Variants in POTEF observed in about 807,000 individuals in gnomAD.
The protein encoded by POTEF is ANKRD26-like family C member 1B.
In POTEF, 20 loss-of-function variants were observed where a neutral mutation model predicts 83.2. That is an observed-to-expected ratio of 0.24 (90% confidence interval 0.17 to 0.35). The LOEUF is 0.35. POTEF is among the 10% of genes least tolerant of loss of function. The pLI is 1.00. For synonymous variants in POTEF, 196 were observed against 446.4 expected (o/e 0.44, Z 7.07); for missense variants, 550 against 1,203.2 (o/e 0.46, Z 8.03).
chr2:130,128,336 G>A (rs1032343226), intron 1 of POTEF, among the ~76,000 whole-genome samples: 1 of 151,962 alleles, frequency 6.6e-6, no homozygotes, highest in Non-Finnish European at 1.5e-5. Flanking sequence ...GATTGCACCA[G>A]GAGGAACTCT....
intron 1 of POTEF, among the ~76,000 whole-genome samples, chr2:130,128,867 C>A (rs1685168230): frequency 8.0e-6 from 1 of 124,292 alleles, no homozygotes; most frequent in African/African-American, 3.4e-5. Context: ...CACAACCTGC[C>A]TCCCCCCCAT....
chr2:130,087,721 C>T (rs1309219045), intron 13 of POTEF, among the ~76,000 whole-genome samples: 1 of 59,892 alleles, frequency 1.7e-5, no homozygotes, highest in Non-Finnish European at 3.2e-5. Context: ...CAAGCTCCCT[C>T]TCCTGGGTTC....
At chr2:130,113,467 G>A (rs7571252) in intron 5 of POTEF, among the ~76,000 whole-genome samples, 4,347 of 141,056 alleles carry the variant, frequency 0.031, 100 homozygotes, top group African/African-American at 0.11. Context: ...TTACATTTAT[G>A]TATTGAGTGG....
chr2:130,087,550 C>A (rs1573595086), intron 13 of POTEF, among the ~76,000 whole-genome samples: 1 of 61,290 alleles, frequency 1.6e-5, no homozygotes, highest in Non-Finnish European at 2.9e-5. Flanking sequence ...AGTTAAATAT[C>A]AAATATTAAA....
At position 130,077,100 on chromosome 2, in the gene POTEF, A is replaced by G. The variant is rs1370646719; in HGVS notation, c.1880T>C (p.Val627Ala). The G allele has an allele frequency of 1.3e-6, 1 of 770,336 alleles. No homozygotes were observed. The highest frequency in any genetic ancestry group is 2.0e-6 in the Non-Finnish European group (1 of 503,422). 47.7% of individuals were successfully genotyped at this position (770,336 alleles called of 1,614,324 possible). ...LIHEEKQIEVVEKMNSELSLS... is the reference protein window; with the variant it reads ...LIHEEKQIEVAEKMNSELSLS... ...AAATACCTCAGAATTCATTTTTTCAACCACTTCTATCTGCTTTTCTTCATG... is the reference window on the plus strand; with the variant it reads ...AAATACCTCAGAATTCATTTTTTCAGCCACTTCTATCTGCTTTTCTTCATG... Residue 627 changes from valine (V) to alanine (A), a missense_variant, in exon 16 of 17, where the codon GTT (valine) becomes GCT (alanine). Coordinates refer to ENST00000409914, the MANE Select transcript of POTEF (RefSeq NM_001099771.2).
intron 11 of POTEF, among the ~76,000 whole-genome samples, chr2:130,094,675 AAGGG>A (rs1684198403): frequency 3.9e-5 from 1 of 25,778 alleles, no homozygotes; most frequent in African/African-American, 1.7e-4. Flanking sequence ...CGCCTTATGC[AAGGG>A]CCAGCTCCTT....
chr2:130,105,159 G>A lies in POTEF; in HGVS notation c.1126+2850C>T, dbSNP rs565706250. On this transcript the variant is annotated intron_variant, in intron 8 of 16. Transcript: ENST00000409914. ...ATCATATTGACGATACCTCTCTTCT[G>A]CCTCTGCTTTATATTCCCACTGCCA... Among the ~76,000 whole-genome samples, 114 of 142,790 alleles carry A rather than the reference G, an allele frequency of 8.0e-4. 2 individuals carry two copies. In the East Asian group the frequency reaches 0.022, roughly 27 times the overall value. The allele number at this position is 142,790 out of a possible 152,430, so 93.7% of individuals were successfully genotyped here. A position where few individuals can be genotyped will look rare whatever the true frequency, so the allele number is the denominator to read the frequency against.
intron 3 of POTEF, among the ~76,000 whole-genome samples, chr2:130,117,298 G>A (rs1368555262): frequency 1.6e-4 from 25 of 151,906 alleles, no homozygotes; most frequent in East Asian, 3.9e-4. Flanking sequence ...AAAAGTTCAC[G>A]GAAGATAGCC....
chr2:130,122,325 T>C (rs1172526455), intron 2 of POTEF, among the ~76,000 whole-genome samples: 1 of 149,760 alleles, frequency 6.7e-6, no homozygotes, highest in African/African-American at 2.5e-5. Flanking sequence ...AGGAGTGAAT[T>C]TACTGAGTCA....
chr2:130,104,206 T>G (rs1684451155), intron 8 of POTEF, among the ~76,000 whole-genome samples: 1 of 148,846 alleles, frequency 6.7e-6, no homozygotes, highest in Non-Finnish European at 1.5e-5. Flanking sequence ...GAAATTATAA[T>G]AAATCACTTA....
intron 3 of POTEF, among the ~76,000 whole-genome samples, chr2:130,115,642 T>C (rs1684827828): frequency 6.6e-6 from 1 of 152,130 alleles, no homozygotes; most frequent in Non-Finnish European, 1.5e-5. Flanking sequence ...ATCAATAAAA[T>C]AGGAATGAAA....
chr2:130,118,451 C>G (rs1684901262), intron 3 of POTEF, among the ~76,000 whole-genome samples: 1 of 151,760 alleles, frequency 6.6e-6, no homozygotes, highest in Non-Finnish European at 1.5e-5. Flanking sequence ...AACCCCAGCA[C>G]TTGGGGAGGC....
At chr2:130,121,054 T>TA (rs1306655451) in intron 2 of POTEF, among the ~76,000 whole-genome samples, 5 of 150,328 alleles carry the variant, frequency 3.3e-5, no homozygotes, top group Non-Finnish European at 7.4e-5. Context: ...GCCAAACCGT[T>TA]ATGCGCGTGC....
At position 130,129,190 on chromosome 2, in the gene POTEF, C is replaced by CG. The variant is rs1685177766; in HGVS notation, c.-369_-368insC. The CG allele has an allele frequency of 7.8e-6, 1 of 128,226 alleles. No homozygotes were observed. The highest frequency in any genetic ancestry group is 1.6e-5 in the Non-Finnish European group (1 of 60,958). The allele number at this position is 128,226 out of a possible 1,614,324, so 7.9% of individuals were successfully genotyped here. ...GCCTCCAGCATGCCGCTCCCTTCTA[C>CG]TCGTCTTCCTGCCTGGCAGGAGAAG... On this transcript the variant is annotated 5_prime_UTR_variant, in exon 1 of 17. Transcript: ENST00000409914.
intron 7 of POTEF, chr2:130,109,706 C>T (rs1476545000): frequency 1.3e-5 from 2 of 150,546 alleles, no homozygotes; most frequent in South Asian, 2.1e-4. Flanking sequence ...TAACATCTGC[C>T]AGAGAAAAGA....
chr2:130,108,417 C>G (rs1195722511), intron 7 of POTEF, among the ~76,000 whole-genome samples: 2 of 152,042 alleles, frequency 1.3e-5, no homozygotes, highest in East Asian at 3.8e-4. Context: ...TTCTCTTAGG[C>G]TCAATGTCTT....
chr2:130,120,722 C>A (rs1684980247), intron 2 of POTEF, 114 bp from the exon 3 acceptor site: 6 of 932,750 alleles, frequency 6.4e-6, no homozygotes, highest in African/African-American at 5.3e-5. Flanking sequence ...AAGCCCACGC[C>A]CCCCCTGGGC....
intron 12 of POTEF, among the ~76,000 whole-genome samples, chr2:130,092,506 G>GT (rs1684151871): frequency 6.9e-6 from 1 of 145,500 alleles, no homozygotes; most frequent in Non-Finnish European, 1.5e-5. Flanking sequence ...ATTGTACCAT[G>GT]TATTAGGTGT....
At chr2:130,102,862 C>A (rs1357834304) in intron 8 of POTEF, among the ~76,000 whole-genome samples, 1 of 151,584 alleles carries the variant, frequency 6.6e-6, no homozygotes, top group African/African-American at 2.4e-5. Context: ...TAAGCCAAGC[C>A]CTGTCTTTGT....
Sources: gnomAD v4.1 joint callset for allele counts (sites outside exome capture counted in the v4.1 genomes callset) on GRCh38, gnomAD v4.1.1 for gene constraint, MANE v1.5 for transcripts, NCBI Gene and HGNC (gene_info 2026-07-23, HGNC 2026-07-21) for gene names.